The following FBN2 variants were observed in gnomAD, a reference collection of about 807,000 sequenced individuals.
The protein encoded by FBN2 is fibrillin-2.
In FBN2, 105 loss-of-function variants were observed where a neutral mutation model predicts 355.6. The ratio of observed to expected loss-of-function variants is 0.30; its 90% confidence interval spans 0.25 to 0.35. FBN2 has a LOEUF of 0.35. Among genes scored for constraint, FBN2 ranks in the 10% least tolerant of loss-of-function variants. The pLI is 1.00. For missense variants in FBN2, 3,280 were observed against 3,758.7 expected (o/e 0.87, Z 3.33); for synonymous variants, 1,350 against 1,301.2 (o/e 1.04, Z -0.81).
chr5:128,509,733 C>T (rs545674162), intron 5 of FBN2, among the ~76,000 whole-genome samples: 190 of 152,004 alleles, frequency 1.2e-3, no homozygotes, highest in Non-Finnish European at 2.2e-3. Flanking sequence ...ATGTTTGATC[C>T]TTTTAGCTGT....
intron 19 of FBN2, among the ~76,000 whole-genome samples, chr5:128,359,371 CACTT>C (rs1191751825): frequency 6.6e-6 from 1 of 152,012 alleles, no homozygotes; most frequent in Non-Finnish European, 1.5e-5. Context: ...CAGACAGAAA[CACTT>C]ACTGTTTGAA....
At chr5:128,456,720 A>G (rs1754405545) in intron 6 of FBN2, among the ~76,000 whole-genome samples, 1 of 152,258 alleles carries the variant, frequency 6.6e-6, no homozygotes, top group Admixed American at 6.5e-5. Flanking sequence ...TGACTACTAA[A>G]AGAAAGACAA....
intron 5 of FBN2, among the ~76,000 whole-genome samples, chr5:128,493,656 C>A (rs76463324): frequency 0.015 from 2,358 of 152,148 alleles, 65 homozygotes; most frequent in African/African-American, 0.053. Context: ...TTCAAAAATT[C>A]TTTAACTGAG....
intron 7 of FBN2, among the ~76,000 whole-genome samples, chr5:128,422,134 G>A (rs1397143845): frequency 6.6e-6 from 1 of 152,178 alleles, no homozygotes; most frequent in African/African-American, 2.4e-5. Context: ...ATGTAATCCT[G>A]CCAACACCTT....
intron 13 of FBN2, 135 bp downstream of exon 13, chr5:128,377,608 TATTAAATGC>T: frequency 1.1e-6 from 1 of 888,408 alleles, no homozygotes; most frequent in Non-Finnish European, 1.8e-6. Flanking sequence ...AACAGTCTTA[TATTAAATGC>T]ATTTGCATTT....
rs915908583 is a variant in FBN2 at position 128,305,386 on chromosome 5, G to A, written c.5674+125C>T. On this transcript the variant is annotated intron_variant, in intron 44 of 64. Transcript: ENST00000262464. The stretch of plus-strand genomic sequence containing the variant: ...ATCATCTAAAAGATATGGTGAAATA[G>A]GTTCACTATAAATGAACAGGTTAAG... The A allele has an allele frequency of 1.8e-5, 19 of 1,049,910 alleles. 1 individual carries two copies. Among genetic ancestry groups the A allele is most frequent in the Non-Finnish European group, 1.5e-6 (1 of 680,644 alleles). The allele number at this position is 1,049,910 out of a possible 1,614,324, so 65.0% of individuals were successfully genotyped here. A position where few individuals can be genotyped will look rare whatever the true frequency, so the allele number is the denominator to read the frequency against.
At chr5:128,431,115 G>A (rs1002846519) in intron 7 of FBN2, among the ~76,000 whole-genome samples, 3 of 152,090 alleles carry the variant, frequency 2.0e-5, no homozygotes, top group Admixed American at 6.6e-5. Context: ...GTAATATAAC[G>A]AAGAGTAGAA....
At chr5:128,524,677 A>G (rs969110403) in intron 4 of FBN2, among the ~76,000 whole-genome samples, 3 of 152,176 alleles carry the variant, frequency 2.0e-5, no homozygotes, top group African/African-American at 7.2e-5. Context: ...CACTCTTTCT[A>G]TATAAGACGA....
chr5:128,339,096 G>C, intron 25 of FBN2, 35 bp from the exon 26 acceptor site: 1 of 1,610,494 alleles, frequency 6.2e-7, no homozygotes, highest in Middle Eastern at 1.7e-4. Flanking sequence ...TTTAAAAATT[G>C]AATGAGATAG....
intron 5 of FBN2, among the ~76,000 whole-genome samples, chr5:128,481,588 T>C (rs566404304): frequency 4.1e-4 from 63 of 152,172 alleles, no homozygotes; most frequent in Non-Finnish European, 8.2e-4. Flanking sequence ...ACATTCCAGA[T>C]ACAGAAAAAC....
At position 128,514,024 on chromosome 5, in the gene FBN2, A is replaced by ATG. The variant is rs568979356; in HGVS notation, c.628+5247_628+5248dup. Among the ~76,000 whole-genome samples, 778 of 87,012 alleles carry ATG rather than the reference A, an allele frequency of 8.9e-3. 5 individuals are homozygous for ATG. Among genetic ancestry groups the ATG allele is most frequent in the South Asian group, 0.088 (250 of 2,832 alleles). 57.1% of individuals were successfully genotyped at this position (87,012 alleles called of 152,430 possible). A position where few individuals can be genotyped will look rare whatever the true frequency, so the allele number is the denominator to read the frequency against. On this transcript the variant is annotated intron_variant, in intron 5 of 64. Coordinates refer to ENST00000262464, the MANE Select transcript of FBN2 (RefSeq NM_001999.4). ...TCTTAACGGCCTCACAAGTGCAGAAATGTGTGTGTGTGTGTGTGTGTGCCT... is the reference window on the plus strand; with the variant it reads ...TCTTAACGGCCTCACAAGTGCAGAAATGTGTGTGTGTGTGTGTGTGTGTGCCT...
intron 62 of FBN2, among the ~76,000 whole-genome samples, chr5:128,270,760 C>T (rs1051947397): frequency 3.3e-5 from 5 of 152,104 alleles, no homozygotes; most frequent in African/African-American, 1.2e-4. Context: ...GTAAAAAATA[C>T]TGTTTCTGAT....
chr5:128,376,997 C>A, intron 13 of FBN2, 144 bp from the exon 14 acceptor site: 3 of 945,276 alleles, frequency 3.2e-6, no homozygotes, highest in Non-Finnish European at 4.9e-6. Flanking sequence ...AAAAGAACGC[C>A]AACTGAATGA....
At chr5:128,348,164 T>C (rs1357089723) in intron 23 of FBN2, among the ~76,000 whole-genome samples, 2 of 152,366 alleles carry the variant, frequency 1.3e-5, no homozygotes, top group East Asian at 3.9e-4. Context: ...TCATATATTA[T>C]AGCATTTCAT....
intron 56 of FBN2, among the ~76,000 whole-genome samples, chr5:128,279,415 CACTTTATATGT>C (rs2126810194): frequency 6.6e-6 from 1 of 152,104 alleles, no homozygotes; most frequent in East Asian, 1.9e-4. Flanking sequence ...CAGAAAATTA[CACTTTATATGT>C]AGGTTACTTT....
chr5:128,431,631 T>C (rs1472597499), intron 7 of FBN2, among the ~76,000 whole-genome samples: 2 of 152,196 alleles, frequency 1.3e-5, no homozygotes, highest in Admixed American at 1.3e-4. Flanking sequence ...TCAAGAGCTT[T>C]CATCTTTTCA....
chr5:128,480,262 C>A (rs1259163979), intron 5 of FBN2, among the ~76,000 whole-genome samples: 2 of 150,318 alleles, frequency 1.3e-5, no homozygotes, highest in Non-Finnish European at 3.0e-5. Flanking sequence ...TATCTTCTAT[C>A]TAGGAATCTC....
chr5:128,505,925 C>G (rs1363245843), intron 5 of FBN2, among the ~76,000 whole-genome samples: 1 of 152,128 alleles, frequency 6.6e-6, no homozygotes, highest in Admixed American at 6.5e-5. Context: ...ACAAATAAGG[C>G]TGCTACAAAG....
rs771507975 is a variant in FBN2 at position 128,263,571 on chromosome 5, C to G, written c.8046G>C (p.Ser2682=). The change falls in exon 63 of 65, where the codon TCG becomes TCC. Residue 2682 remains serine, a synonymous_variant. Coordinates refer to ENST00000262464, the MANE Select transcript of FBN2 (RefSeq NM_001999.4). ...TGGAGAACTGGTCGAAGGAGAACCC[C>G]GAGGGGCAGGCGCACTTGTAACTCC... is the stretch of plus-strand genomic sequence containing the variant. ...TLGSYKCACP[S]GFSFDQFSSA... The G allele has an allele frequency of 1.2e-6, 2 of 1,613,912 alleles. No individual in the cohort carries two copies. Among genetic ancestry groups the G allele is most frequent in the Admixed American group, 1.7e-5 (1 of 59,988 alleles).
Sources: allele counts gnomAD v4.1 joint callset (sites outside exome capture counted in the v4.1 genomes callset), GRCh38; gene constraint gnomAD v4.1.1; transcripts MANE v1.5; gene names NCBI Gene and HGNC (gene_info 2026-07-23, HGNC 2026-07-21).